The following GRK3 variants were observed in gnomAD, a reference collection of about 807,000 sequenced individuals.
GRK3 encodes the protein G protein-coupled receptor kinase 3.
In GRK3, 54 loss-of-function variants were observed where a neutral mutation model predicts 95.7. The observed-to-expected ratio is 0.56, with a 90% CI of 0.45 to 0.71. The LOEUF is 0.71. GRK3 is among the 30% of genes least tolerant of loss of function. The pLI is 0.00. For synonymous variants in GRK3, 281 were observed against 290.8 expected (o/e 0.97, Z 0.34); for missense variants, 649 against 851.2 (o/e 0.76, Z 2.96).
chr22:25,620,006 TTGTGTGTGTGTGTG>T (rs56260834), intron 2 of GRK3, among the ~76,000 whole-genome samples: 57 of 90,310 alleles, frequency 6.3e-4, no homozygotes, highest in African/African-American at 2.6e-3. Flanking sequence ...TTTGTCTTTT[TTGTGTGTGTGTGTG>T]TGTGTGTGTG....
At chr22:25,601,037 A>G (rs1335556555) in intron 1 of GRK3, among the ~76,000 whole-genome samples, 2 of 152,216 alleles carry the variant, frequency 1.3e-5, no homozygotes, top group Non-Finnish European at 2.9e-5. Context: ...CAGAATTGAA[A>G]AGAGAAATAG....
intron 1 of GRK3, among the ~76,000 whole-genome samples, chr22:25,597,372 A>G (rs75232166): frequency 0.023 from 3,446 of 152,312 alleles, 60 homozygotes; most frequent in Middle Eastern, 0.068. Context: ...ATACATTCTA[A>G]TGTTCTATAG....
At chr22:25,644,211 T>A (rs188878639) in intron 2 of GRK3, among the ~76,000 whole-genome samples, 1 of 152,126 alleles carries the variant, frequency 6.6e-6, no homozygotes, top group Admixed American at 6.5e-5. Context: ...TATTAGTGTC[T>A]TGGTGATTCT....
intron 12 of GRK3, among the ~76,000 whole-genome samples, chr22:25,693,731 G>A (rs1323986341): frequency 2.7e-5 from 4 of 150,620 alleles, no homozygotes; most frequent in Non-Finnish European, 4.4e-5. Flanking sequence ...CATTTATTCT[G>A]AGTAGATTCT....
intron 3 of GRK3, among the ~76,000 whole-genome samples, chr22:25,655,349 A>G (rs1321183422): frequency 6.6e-6 from 1 of 152,112 alleles, no homozygotes; most frequent in African/African-American, 2.4e-5. Context: ...CCCAAATCCA[A>G]GCCCATTCTT....
chr22:25,671,141 C>G (rs1242127330), intron 6 of GRK3, among the ~76,000 whole-genome samples: 1 of 151,550 alleles, frequency 6.6e-6, no homozygotes, highest in Non-Finnish European at 1.5e-5. Flanking sequence ...ATCACAAGGT[C>G]AGGAGATTGA....
chr22:25,611,063 T>G (rs1195495078), intron 2 of GRK3, among the ~76,000 whole-genome samples: 1 of 152,180 alleles, frequency 6.6e-6, no homozygotes, highest in Non-Finnish European at 1.5e-5. Context: ...GGTCTCACTA[T>G]GTTGCCCAGG....
chr22:25,703,100 GT>G (rs1240764625), intron 13 of GRK3: 1 of 299,260 alleles, frequency 3.3e-6, no homozygotes, highest in Non-Finnish European at 6.6e-6. Context: ...TCCTTGGGCT[GT>G]TTGAGGGACC....
intron 2 of GRK3, among the ~76,000 whole-genome samples, chr22:25,630,798 T>G (rs1004234114): frequency 6.6e-6 from 1 of 152,238 alleles, no homozygotes; most frequent in African/African-American, 2.4e-5. Flanking sequence ...GAATATTTTA[T>G]TGATATGCTG....
At chr22:25,585,065 C>G (rs1214458583) in intron 1 of GRK3, among the ~76,000 whole-genome samples, 21 of 152,240 alleles carry the variant, frequency 1.4e-4, no homozygotes, top group Admixed American at 1.4e-3. Context: ...TCAGAACTGA[C>G]TAGGGAGGGG....
intron 13 of GRK3, chr22:25,703,002 G>C (rs1422702599): frequency 7.5e-6 from 3 of 399,330 alleles, no homozygotes; most frequent in Non-Finnish European, 1.5e-5. Flanking sequence ...GTTAGTTTCT[G>C]TTTTCATCAA....
At chr22:25,682,022 G>A (rs1324324381) in intron 9 of GRK3, among the ~76,000 whole-genome samples, 1 of 152,160 alleles carries the variant, frequency 6.6e-6, no homozygotes. Context: ...AGAGGTGAGG[G>A]TTGCAGTAAC....
At chr22:25,703,971 A>G (rs2085279062) in intron 14 of GRK3, 138 bp from the exon 15 acceptor site, 4 of 613,420 alleles carry the variant, frequency 6.5e-6, no homozygotes, top group African/African-American at 1.9e-5. Context: ...TCATGTTTCT[A>G]TAGAGTAAAT....
At chr22:25,661,339 A>G (rs2084908096) in intron 3 of GRK3, among the ~76,000 whole-genome samples, 1 of 152,196 alleles carries the variant, frequency 6.6e-6, no homozygotes, top group Non-Finnish European at 1.5e-5. Flanking sequence ...ATGTTTCTAC[A>G]TTTAAGTGAT....
chr22:25,594,246 C>T, intron 1 of GRK3, among the ~76,000 whole-genome samples: 1 of 152,132 alleles, frequency 6.6e-6, no homozygotes, highest in Admixed American at 6.5e-5. Flanking sequence ...ATGGAACGTT[C>T]TTCCATTTGT....
intron 1 of GRK3, among the ~76,000 whole-genome samples, chr22:25,600,703 A>G (rs1446670585): frequency 6.6e-6 from 1 of 152,180 alleles, no homozygotes; most frequent in Non-Finnish European, 1.5e-5. Flanking sequence ...GGATTTTGGG[A>G]TCCGAGGCGG....
chr22:25,618,679 A>G (rs946501086), intron 2 of GRK3, among the ~76,000 whole-genome samples: 1 of 149,336 alleles, frequency 6.7e-6, no homozygotes, highest in Non-Finnish European at 1.5e-5. Context: ...ATACTTTGGT[A>G]TGTTAGGTTA....
intron 7 of GRK3, 58 bp downstream of exon 7, chr22:25,672,405 C>G (rs1412593515): frequency 4.4e-6 from 4 of 906,836 alleles, no homozygotes; most frequent in African/African-American, 1.7e-5. Context: ...CTGGCTTAAC[C>G]TCATGAGAAA....
intron 8 of GRK3, among the ~76,000 whole-genome samples, chr22:25,676,969 A>G (rs1422860311): frequency 6.6e-6 from 1 of 152,146 alleles, no homozygotes; most frequent in Admixed American, 6.5e-5. Flanking sequence ...CCTGTTAGGT[A>G]GCTCTTTGAT....
Sources: allele counts gnomAD v4.1 joint callset (sites outside exome capture counted in the v4.1 genomes callset), GRCh38; gene constraint gnomAD v4.1.1; transcripts MANE v1.5; gene names NCBI Gene and HGNC (gene_info 2026-07-23, HGNC 2026-07-21).